The following RIT2 variants were observed in gnomAD, a reference collection of about 807,000 sequenced individuals.
RIT2 encodes Ras like without CAAX 2, also known as GTP-binding protein Rit2.
A neutral mutation model predicts 23.7 loss-of-function variants in RIT2; 24 were observed. The ratio of observed to expected loss-of-function variants is 1.01; its 90% CI spans 0.73 to 1.43. RIT2 has a LOEUF of 1.43. Among genes scored for constraint, RIT2 ranks in the 40% most tolerant of loss-of-function variants. The pLI, the probability that RIT2 is intolerant of heterozygous loss-of-function variation, is 0.00. For missense variants in RIT2, 236 were observed against 266.9 expected, an observed-to-expected ratio of 0.88 and a Z score of 0.81; for synonymous variants, 107 against 91.1, an observed-to-expected ratio of 1.17 and a Z score of -0.99.
chr18:42,765,033 T>A (rs1913388918), intron 4 of RIT2, among the ~76,000 whole-genome samples: 2 of 152,206 alleles, frequency 1.3e-5, no homozygotes, highest in African/African-American at 4.8e-5. Flanking sequence ...TCTGAGCCTA[T>A]ATTTTCTTCT....
intron 4 of RIT2, among the ~76,000 whole-genome samples, chr18:42,832,659 T>A (rs1215949529): frequency 6.6e-6 from 1 of 152,240 alleles, no homozygotes; most frequent in Non-Finnish European, 1.5e-5. Flanking sequence ...TATCATGTAT[T>A]TGTTTGAAAA....
At chr18:42,792,613 G>A (rs1403318410) in intron 4 of RIT2, among the ~76,000 whole-genome samples, 1 of 152,076 alleles carries the variant, frequency 6.6e-6, no homozygotes, top group South Asian at 2.1e-4. Context: ...AGGGCAGGTG[G>A]CATTTACATT....
intron 4 of RIT2, among the ~76,000 whole-genome samples, chr18:42,922,237 A>G (rs1909072944): frequency 6.6e-6 from 1 of 152,184 alleles, no homozygotes; most frequent in African/African-American, 2.4e-5. Context: ...GATCTTTTCA[A>G]TTTAAGAAAA....
At chr18:43,112,105 C>T (rs750060199) in intron 1 of RIT2, among the ~76,000 whole-genome samples, 4 of 152,208 alleles carry the variant, frequency 2.6e-5, no homozygotes, top group Non-Finnish European at 4.4e-5. Context: ...TGGTTAAGAT[C>T]TCTTCTAAAT....
intron 2 of RIT2, among the ~76,000 whole-genome samples, chr18:42,996,005 A>T (rs8098302): frequency 0.95 from 144,979 of 152,178 alleles, 69,439 homozygotes; most frequent in East Asian, 1. Context: ...TAAATAAATA[A>T]TCTTTGCTGG....
intron 4 of RIT2, among the ~76,000 whole-genome samples, chr18:42,851,571 G>T (rs1412018828): frequency 6.6e-6 from 1 of 152,106 alleles, no homozygotes; most frequent in Non-Finnish European, 1.5e-5. Flanking sequence ...GTAGGTAAAG[G>T]GCTGGGCGCA....
At position 43,106,299 on chromosome 18, in the gene RIT2, C is replaced by G. The variant is rs138858526; in HGVS notation, c.103+9118G>C. Among the ~76,000 whole-genome samples the G allele has an allele frequency of 3.4e-3, 519 of 152,280 alleles. 3 individuals are homozygous for G. Among genetic ancestry groups the G allele is most frequent in the African/African-American group, 0.012 (491 of 41,574 alleles). Reference sequence around the variant, plus strand: ...GCAGATTTATGAACACAAACACACACTTTATTGCTCATTTTAAAGCATATT... The same window carrying G: ...GCAGATTTATGAACACAAACACACAGTTTATTGCTCATTTTAAAGCATATT... On this transcript the variant is annotated intron_variant, in intron 1 of 4. Transcript: ENST00000326695.
At chr18:42,809,861 T>C (rs1905788399) in intron 4 of RIT2, among the ~76,000 whole-genome samples, 1 of 127,432 alleles carries the variant, frequency 7.8e-6, no homozygotes, top group South Asian at 2.1e-4. Flanking sequence ...ATATATATTA[T>C]ATATAATATA....
chr18:43,071,567 GC>G (rs1202145538), intron 1 of RIT2, among the ~76,000 whole-genome samples: 1 of 152,004 alleles, frequency 6.6e-6, no homozygotes, highest in African/African-American at 2.4e-5. Flanking sequence ...ACACATATGT[GC>G]CTTTTGAATC....
rs11393575 is a variant in RIT2, at chr18:43,057,798, C to CTTTTTTTTTTTTTTTTT, written c.104-23948_104-23932dup. 1.3e-3 allele frequency among the ~76,000 whole-genome samples: 160 copies of CTTTTTTTTTTTTTTTTT among 122,608 alleles called. 16 individuals carry two copies. Among genetic ancestry groups the CTTTTTTTTTTTTTTTTT allele is most frequent in the African/African-American group, 4.3e-3 (141 of 32,912 alleles). The allele number at this position is 122,608 out of a possible 152,430, so 80.4% of individuals were successfully genotyped here. A position where few individuals can be genotyped will look rare whatever the true frequency, so the allele number is the denominator to read the frequency against. The stretch of plus-strand genomic sequence containing the variant: ...GAGCTAATCTTCCAAGTGATGGACA[C>CTTTTTTTTTTTTTTTTT]TTTTTTTTTTTTTTTTTATCATCTA... On this transcript the variant is annotated intron_variant, in intron 1 of 4. Coordinates refer to ENST00000326695, the MANE Select transcript of RIT2 (RefSeq NM_002930.4).
At chr18:42,878,459 G>A (rs1229779562) in intron 4 of RIT2, among the ~76,000 whole-genome samples, 1 of 151,798 alleles carries the variant, frequency 6.6e-6, no homozygotes, top group Admixed American at 6.6e-5. Context: ...GAAGGAGGAG[G>A]AAGAGGAGAG....
intron 1 of RIT2, among the ~76,000 whole-genome samples, chr18:43,046,756 T>G (rs1368320221): frequency 6.6e-6 from 1 of 152,212 alleles, no homozygotes; most frequent in Admixed American, 6.5e-5. Flanking sequence ...GCTTTCCTTA[T>G]GTACTCAACC....
At chr18:42,804,160 T>C (rs1260877712) in intron 4 of RIT2, among the ~76,000 whole-genome samples, 1 of 152,236 alleles carries the variant, frequency 6.6e-6, no homozygotes, top group African/African-American at 2.4e-5. Flanking sequence ...GGGAAGTTTT[T>C]ACAAAGCATC....
chr18:42,807,609 C>T (rs181138523), intron 4 of RIT2, among the ~76,000 whole-genome samples: 33 of 152,274 alleles, frequency 2.2e-4, no homozygotes, highest in Non-Finnish European at 4.6e-4. Flanking sequence ...AAGAGCGAAA[C>T]TCCGTCTCAA....
chr18:42,897,155 T>G (rs1248137673), intron 4 of RIT2, among the ~76,000 whole-genome samples: 1 of 152,216 alleles, frequency 6.6e-6, no homozygotes, highest in Non-Finnish European at 1.5e-5. Context: ...TCTCGTTTCT[T>G]TTACTTCCTT....
At chr18:42,889,590 A>G (rs887631885) in intron 4 of RIT2, among the ~76,000 whole-genome samples, 7 of 152,120 alleles carry the variant, frequency 4.6e-5, no homozygotes, top group African/African-American at 1.7e-4. Flanking sequence ...CCAGTTTCTA[A>G]ACTGAAAAAT....
rs796159655 is a variant in RIT2 at position 42,780,049 on chromosome 18, T to G, written c.427-36329A>C. The stretch of plus-strand genomic sequence containing the variant: ...CCTAGTCAAGTCTCAATTTAGAGGT[T>G]TTTTTTTTTTTTTTTTTTTTTTTTT... On this transcript the variant is annotated intron_variant, in intron 4 of 4. Coordinates refer to ENST00000326695, the MANE Select transcript of RIT2 (RefSeq NM_002930.4). 9.9e-3 allele frequency among the ~76,000 whole-genome samples: 1,210 copies of G among 122,480 alleles called. 37 individuals carry two copies. Among genetic ancestry groups the G allele is most frequent in the African/African-American group, 0.037 (1,148 of 30,714 alleles). The allele number at this position is 122,480 out of a possible 152,430, so 80.4% of individuals were successfully genotyped here.
chr18:43,033,451 G>A (rs1351451448), intron 2 of RIT2, among the ~76,000 whole-genome samples: 1 of 152,080 alleles, frequency 6.6e-6, no homozygotes, highest in Admixed American at 6.6e-5. Context: ...ACAGAAGTGA[G>A]CAAATACATA....
intron 4 of RIT2, among the ~76,000 whole-genome samples, chr18:42,805,908 CAT>C (rs1437016926): frequency 2.6e-5 from 4 of 152,058 alleles, no homozygotes; most frequent in Non-Finnish European, 5.9e-5. Context: ...ACTGAATACT[CAT>C]AGTTTGTTTG....
Sources: allele counts gnomAD v4.1 joint callset (sites outside exome capture counted in the v4.1 genomes callset), GRCh38; gene constraint gnomAD v4.1.1; transcripts MANE v1.5; gene names NCBI Gene and HGNC (gene_info 2026-07-23, HGNC 2026-07-21).